Variants in BMP5 observed in about 807,000 individuals in gnomAD.
The protein encoded by BMP5 is bone morphogenetic protein 5.
In BMP5, 23 loss-of-function variants were observed where a neutral mutation model predicts 46.6. That is an observed-to-expected ratio of 0.49 (90% confidence interval 0.35 to 0.70). BMP5 has a LOEUF of 0.70. BMP5 is among the 30% of genes least tolerant of loss of function. The probability of loss-of-function intolerance (pLI) is 0.00; values close to 1 mark genes in which losing one functional copy is unlikely to be tolerated. For synonymous variants in BMP5, 204 were observed against 191.9 expected (o/e 1.06, Z -0.52); for missense variants, 545 against 565.6 (o/e 0.96, Z 0.37).
intron 1 of BMP5, among the ~76,000 whole-genome samples, chr6:55,860,729 G>T (rs1473166155): frequency 6.6e-6 from 1 of 152,172 alleles, no homozygotes; most frequent in African/African-American, 2.4e-5. Flanking sequence ...ACGTCAGTAT[G>T]TTAACAACTG....
intron 1 of BMP5, among the ~76,000 whole-genome samples, chr6:55,869,665 G>A (rs1777733892): frequency 6.6e-6 from 1 of 151,836 alleles, no homozygotes; most frequent in African/African-American, 2.4e-5. Context: ...ATAAAATAAA[G>A]GCAAAACACA....
At chr6:55,804,918 A>G (rs1224704625) in intron 2 of BMP5, among the ~76,000 whole-genome samples, 2 of 152,220 alleles carry the variant, frequency 1.3e-5, no homozygotes, top group South Asian at 2.1e-4. Context: ...CACTATTTCA[A>G]TGTAAGAAGA....
At chr6:55,869,336 C>G (rs1376051779) in intron 1 of BMP5, among the ~76,000 whole-genome samples, 1 of 152,130 alleles carries the variant, frequency 6.6e-6, no homozygotes, top group Admixed American at 6.6e-5. Flanking sequence ...GAAAAACCAG[C>G]CTTTAATGAC....
At chr6:55,793,556 G>C (rs1582069399) in intron 3 of BMP5, among the ~76,000 whole-genome samples, 1 of 152,064 alleles carries the variant, frequency 6.6e-6, no homozygotes, top group Non-Finnish European at 1.5e-5. Flanking sequence ...TGGTGTCTTT[G>C]ATGTGTCACT....
In BMP5 at chr6:55,794,444, C is replaced by T; in HGVS notation, c.684-17G>A. ...TCTGCATCCCTAAAAAGAAAAGGAA[C>T]AACAAAAAAAGTTAAAGGTTTAAAT... On this transcript the variant is annotated splice_polypyrimidine_tract_variant and intron_variant, in intron 2 of 6. Coordinates refer to ENST00000370830, the MANE Select transcript of BMP5 (RefSeq NM_021073.4). 6.2e-7 allele frequency: 1 copy of T among 1,612,736 alleles called. No homozygotes were observed. The highest frequency in any genetic ancestry group is 8.5e-7 in the Non-Finnish European group (1 of 1,179,376).
intron 4 of BMP5, among the ~76,000 whole-genome samples, chr6:55,763,617 T>C (rs1774838602): frequency 6.6e-6 from 1 of 152,180 alleles, no homozygotes; most frequent in African/African-American, 2.4e-5. Flanking sequence ...AGGAGATTAG[T>C]ATGAAATGGA....
chr6:55,772,221 C>T (rs535387314), intron 4 of BMP5, among the ~76,000 whole-genome samples: 25 of 151,958 alleles, frequency 1.6e-4, no homozygotes, highest in African/African-American at 4.8e-4. Context: ...TGAAAAGTTA[C>T]GTGATTTCTG....
intron 2 of BMP5, among the ~76,000 whole-genome samples, chr6:55,810,653 T>C (rs1447193613): frequency 6.6e-6 from 1 of 152,226 alleles, no homozygotes; most frequent in African/African-American, 2.4e-5. Context: ...ATCCAAAATA[T>C]TAAATGGTCA....
intron 1 of BMP5, among the ~76,000 whole-genome samples, chr6:55,845,468 TTGTGTGAA>T (rs1777076586): frequency 1.3e-5 from 2 of 152,002 alleles, no homozygotes; most frequent in Non-Finnish European, 2.9e-5. Flanking sequence ...TTTCCATGGA[TTGTGTGAA>T]TATGTAACAC....
chr6:55,835,615 A>T (rs1327013308), intron 1 of BMP5, among the ~76,000 whole-genome samples: 2 of 152,176 alleles, frequency 1.3e-5, no homozygotes, highest in African/African-American at 4.8e-5. Flanking sequence ...ATGCTAAGCT[A>T]TGTCGTTCTT....
At chr6:55,788,164 T>G (rs1376402302) in intron 3 of BMP5, among the ~76,000 whole-genome samples, 1 of 151,690 alleles carries the variant, frequency 6.6e-6, no homozygotes, top group Non-Finnish European at 1.5e-5. Context: ...AACAGGAGTT[T>G]TTATGCTAAT....
At chr6:55,817,952 T>C (rs915355162) in intron 2 of BMP5, among the ~76,000 whole-genome samples, 1 of 152,146 alleles carries the variant, frequency 6.6e-6, no homozygotes, top group Admixed American at 6.6e-5. Flanking sequence ...GCAATGATAA[T>C]AATAATACTT....
At chr6:55,781,337 GA>G (rs1222559353) in intron 3 of BMP5, among the ~76,000 whole-genome samples, 1 of 152,050 alleles carries the variant, frequency 6.6e-6, no homozygotes, top group Non-Finnish European at 1.5e-5. Flanking sequence ...TTTTCCTTCA[GA>G]AGCCTGGGGG....
chr6:55,847,550 T>C (rs1229918354), intron 1 of BMP5, among the ~76,000 whole-genome samples: 2 of 152,092 alleles, frequency 1.3e-5, no homozygotes, highest in Non-Finnish European at 2.9e-5. Context: ...ATGATGCTTA[T>C]TAAATTCCTG....
chr6:55,762,010 T>C (rs1017819569), intron 4 of BMP5, among the ~76,000 whole-genome samples: 2 of 152,164 alleles, frequency 1.3e-5, no homozygotes, highest in Non-Finnish European at 2.9e-5. Context: ...TATCATTACA[T>C]ATTTTGGAAT....
At chr6:55,819,455 A>G (rs1250735116) in intron 2 of BMP5, among the ~76,000 whole-genome samples, 200 bp downstream of exon 2, 1 of 152,134 alleles carries the variant, frequency 6.6e-6, no homozygotes, top group East Asian at 1.9e-4. Flanking sequence ...TGGTGTCAGG[A>G]GTAGGGAGCA....
chr6:55,819,533 A>G, intron 2 of BMP5, 122 bp downstream of exon 2: 1 of 816,890 alleles, frequency 1.2e-6, no homozygotes. Context: ...ACCTGGCTCT[A>G]AATGTTACTA....
chr6:55,827,752 C>T (rs996702372), intron 1 of BMP5, among the ~76,000 whole-genome samples: 3 of 151,546 alleles, frequency 2.0e-5, no homozygotes, highest in Non-Finnish European at 4.4e-5. Flanking sequence ...CTTAGAATAC[C>T]CACAAAGGGT....
chr6:55,845,832 T>C (rs756941976), intron 1 of BMP5, among the ~76,000 whole-genome samples: 1 of 151,998 alleles, frequency 6.6e-6, no homozygotes, highest in Non-Finnish European at 1.5e-5. Flanking sequence ...GCAGGTATTC[T>C]TAACTCCTTA....
Sources: gnomAD v4.1 joint callset for allele counts (sites outside exome capture counted in the v4.1 genomes callset) on GRCh38, gnomAD v4.1.1 for gene constraint, MANE v1.5 for transcripts, NCBI Gene and HGNC (gene_info 2026-07-23, HGNC 2026-07-21) for gene names.